CTNNA3: variants seen among roughly 807,000 people sequenced by gnomAD.
The protein encoded by CTNNA3 is catenin alpha 3.
Under a neutral mutation model 95.7 loss-of-function variants are expected in CTNNA3, and 76 were observed. That is an observed-to-expected ratio of 0.79 (90% CI 0.66 to 0.96). The LOEUF (loss-of-function observed/expected upper bound fraction) is 0.96. Ranked by LOEUF, CTNNA3 falls within the 40% of genes least tolerant of loss-of-function variation. CTNNA3 has a pLI of 0.00. For missense variants in CTNNA3, 1,191 were observed against 1,089.8 expected (o/e 1.09, Z -1.31); for synonymous variants, 431 against 374.4 (o/e 1.15, Z -1.74).
intron 11 of CTNNA3, among the ~76,000 whole-genome samples, chr10:66,406,445 A>T (rs186717136): frequency 3.9e-5 from 6 of 152,322 alleles, no homozygotes; most frequent in African/African-American, 1.4e-4. Context: ...CCAGTGTTCC[A>T]AGGAAATTTT....
chr10:65,967,505 C>G (rs2133259613), intron 16 of CTNNA3, among the ~76,000 whole-genome samples: 1 of 152,262 alleles, frequency 6.6e-6, no homozygotes, highest in Admixed American at 6.5e-5. Flanking sequence ...CAACATGGAG[C>G]AACATAATAT....
rs2086153164 is a variant in CTNNA3, at chr10:66,183,355, C to G, written c.1885-80106G>C. ...TTCTCTGTATGAGATATGCATTTCTCTTACCTCAATCAATAAAATCCAACC... is the reference window on the plus strand; with the variant it reads ...TTCTCTGTATGAGATATGCATTTCTGTTACCTCAATCAATAAAATCCAACC... On this transcript the variant is annotated intron_variant, in intron 13 of 17. Transcript: ENST00000433211. Among the ~76,000 whole-genome samples, 3 of 152,204 alleles carry G rather than the reference C, an allele frequency of 2.0e-5. No individual in the cohort carries two copies. In the South Asian group the frequency reaches 6.2e-4, roughly 32 times the overall value.
intron 11 of CTNNA3, among the ~76,000 whole-genome samples, chr10:66,416,100 A>C (rs921426407): frequency 1.4e-5 from 2 of 143,866 alleles, no homozygotes; most frequent in African/African-American, 5.1e-5. Context: ...GAAATGTAAC[A>C]AAGTGATAGA....
chr10:66,493,616 T>TC (rs1177478488), intron 11 of CTNNA3, among the ~76,000 whole-genome samples: 1 of 148,814 alleles, frequency 6.7e-6, no homozygotes, highest in Non-Finnish European at 1.5e-5. Context: ...TTTTTTTTTT[T>TC]TTTGAGACCG....
intron 11 of CTNNA3, among the ~76,000 whole-genome samples, chr10:66,519,037 G>T (rs1356476533): frequency 6.6e-6 from 1 of 151,966 alleles, no homozygotes; most frequent in Non-Finnish European, 1.5e-5. Context: ...AAAAAATGAA[G>T]TTGGATATTC....
intron 4 of CTNNA3, among the ~76,000 whole-genome samples, chr10:67,530,151 G>T (rs1840281989): frequency 6.6e-6 from 1 of 152,164 alleles, no homozygotes; most frequent in Non-Finnish European, 1.5e-5. Context: ...TTTATTAGCA[G>T]CATGAAAACA....
At chr10:66,403,454 T>C (rs193181314) in intron 11 of CTNNA3, among the ~76,000 whole-genome samples, 309 of 152,262 alleles carry the variant, frequency 2.0e-3, no homozygotes, top group African/African-American at 7.3e-3. Flanking sequence ...AAGCACTTCC[T>C]ACATGGAGGC....
intron 5 of CTNNA3, among the ~76,000 whole-genome samples, chr10:67,363,554 A>G (rs1564597439): frequency 2.6e-5 from 4 of 152,088 alleles, no homozygotes; most frequent in Admixed American, 2.6e-4. Context: ...AGATCAACAA[A>G]ATAGATAGAC....
chr10:67,609,523 T>A (rs192828379), intron 2 of CTNNA3, among the ~76,000 whole-genome samples: 2 of 152,282 alleles, frequency 1.3e-5, no homozygotes, highest in East Asian at 3.9e-4. Context: ...CCTACCCTCC[T>A]CCCCTTACCC....
intron 5 of CTNNA3, among the ~76,000 whole-genome samples, chr10:67,338,387 T>C (rs1300085144): frequency 2.0e-5 from 3 of 152,048 alleles, no homozygotes; most frequent in Non-Finnish European, 4.4e-5. Context: ...CACCAAGCCA[T>C]TTATGAGGGA....
intron 5 of CTNNA3, among the ~76,000 whole-genome samples, chr10:67,303,484 G>C (rs890814049): frequency 6.6e-6 from 1 of 152,134 alleles, no homozygotes; most frequent in Non-Finnish European, 1.5e-5. Flanking sequence ...GAGGAGATCC[G>C]GCATGCAGGC....
In CTNNA3 at chr10:65,912,642, A is replaced by G. The variant is rs1368368750; in HGVS notation, c.*7688T>C. The G allele has an allele frequency of 6.6e-6, 1 of 152,206 alleles. No homozygotes were observed. Among genetic ancestry groups the G allele is most frequent in the East Asian group, 1.9e-4 (1 of 5,192 alleles). The allele number at this position is 152,206 out of a possible 1,614,324, so 9.4% of individuals were successfully genotyped here. On this transcript the variant is annotated 3_prime_UTR_variant, in exon 18 of 18. Transcript: ENST00000433211. ...AATTAGAATAAAGTAAAATAATACT[A>G]TATAACCAAAACAAACCCAGTGTTA...
At chr10:67,664,683 G>A (rs1437771258) in intron 1 of CTNNA3, among the ~76,000 whole-genome samples, 1 of 151,834 alleles carries the variant, frequency 6.6e-6, no homozygotes, top group East Asian at 1.9e-4. Flanking sequence ...AGCCTTATAA[G>A]TCACCTTAAA....
At chr10:66,463,287 C>T (rs7917556) in intron 11 of CTNNA3, among the ~76,000 whole-genome samples, 30,909 of 151,932 alleles carry the variant, frequency 0.2, 3,493 homozygotes, top group South Asian at 0.3. Context: ...CCTTTGAGAA[C>T]GGATTGTTAA....
At chr10:67,458,902 T>C (rs1158077082) in intron 5 of CTNNA3, among the ~76,000 whole-genome samples, 1 of 152,054 alleles carries the variant, frequency 6.6e-6, no homozygotes, top group Admixed American at 6.6e-5. Context: ...ACCATATCAA[T>C]CCCCAAGAAC....
chr10:67,065,081 A>G (rs1855994356), intron 7 of CTNNA3, among the ~76,000 whole-genome samples: 1 of 152,154 alleles, frequency 6.6e-6, no homozygotes, highest in African/African-American at 2.4e-5. Context: ...CATCCCGAAA[A>G]CAGAGCAATG....
chr10:66,085,997 G>A (rs1057315380), intron 14 of CTNNA3, among the ~76,000 whole-genome samples: 1 of 152,234 alleles, frequency 6.6e-6, no homozygotes. Context: ...AATACAATCA[G>A]TTTGTACAAG....
intron 14 of CTNNA3, 149 bp from the exon 15 acceptor site, chr10:66,069,638 G>C: frequency 1.8e-6 from 1 of 551,194 alleles, no homozygotes; most frequent in Non-Finnish European, 3.1e-6. Context: ...AACTTTCCAG[G>C]CTTAATATTT....
At chr10:67,167,284 C>T (rs1200698739) in intron 7 of CTNNA3, among the ~76,000 whole-genome samples, 1 of 152,082 alleles carries the variant, frequency 6.6e-6, no homozygotes, top group Non-Finnish European at 1.5e-5. Context: ...ACCATATTTA[C>T]AGTGCTGGCA....
Sources: allele counts gnomAD v4.1 joint callset (sites outside exome capture counted in the v4.1 genomes callset), GRCh38; gene constraint gnomAD v4.1.1; transcripts MANE v1.5; gene names NCBI Gene and HGNC (gene_info 2026-07-23, HGNC 2026-07-21).